TACC2: variants seen among roughly 807,000 people sequenced by gnomAD.
The protein encoded by TACC2 is transforming acidic coiled-coil-containing protein 2.
TACC2 carries 137 observed loss-of-function variants against 227.3 expected under a neutral mutation model. The observed-to-expected ratio is 0.60, with a 90% CI of 0.52 to 0.69. The LOEUF (loss-of-function observed/expected upper bound fraction) is 0.69, where lower values mean the gene tolerates loss of function less well. Ranked by LOEUF, TACC2 falls within the 30% of genes least tolerant of loss-of-function variation. The probability of loss-of-function intolerance (pLI) is 0.00; values close to 1 mark genes in which losing one functional copy is unlikely to be tolerated. For missense variants in TACC2, 3,470 were observed against 3,694.4 expected (o/e 0.94, Z 1.57); for synonymous variants, 1,523 against 1,487.5 (o/e 1.02, Z -0.55).
chr10:122,113,032 T>C (rs1338300785), intron 5 of TACC2: 1 of 152,368 alleles, frequency 6.6e-6, no homozygotes, highest in Non-Finnish European at 1.5e-5. Flanking sequence ...GCTGCAACTT[T>C]TCCCGAGCCT....
At chr10:122,203,782 T>C (rs866240317) in intron 8 of TACC2, among the ~76,000 whole-genome samples, 2 of 151,982 alleles carry the variant, frequency 1.3e-5, no homozygotes. Flanking sequence ...CTGCAATCTC[T>C]GCACTTTGGG....
At chr10:122,155,508 G>C (rs2092403199) in intron 7 of TACC2, among the ~76,000 whole-genome samples, 1 of 152,242 alleles carries the variant, frequency 6.6e-6, no homozygotes, top group African/African-American at 2.4e-5. Context: ...GGAGAAGAAA[G>C]ATGGATAACA....
At chr10:122,146,659 T>C (rs940917496) in intron 7 of TACC2, among the ~76,000 whole-genome samples, 8 of 152,142 alleles carry the variant, frequency 5.3e-5, no homozygotes, top group Admixed American at 6.5e-5. Flanking sequence ...CCCTTGACCT[T>C]TGACTTCTCA....
At chr10:122,129,917 T>C (rs146163419) in intron 5 of TACC2, among the ~76,000 whole-genome samples, 2 of 152,306 alleles carry the variant, frequency 1.3e-5, no homozygotes, top group Non-Finnish European at 2.9e-5. Flanking sequence ...GAGGATAGTT[T>C]TGGGAAATTC....
intron 5 of TACC2, among the ~76,000 whole-genome samples, chr10:122,115,854 T>C (rs1175953481): frequency 6.6e-6 from 1 of 152,150 alleles, no homozygotes; most frequent in Non-Finnish European, 1.5e-5. Context: ...CTTGCAACTT[T>C]TGCACAGATG....
chr10:122,087,682 G>T lies in TACC2; in HGVS notation c.5182G>T (p.Gly1728Cys). 6.2e-7 allele frequency: 1 copy of T among 1,613,306 alleles called. No homozygotes were observed. The highest frequency in any genetic ancestry group is 8.5e-7 in the Non-Finnish European group (1 of 1,179,986). ...ACASGDLPEAGTTRTFSVVAG... is the reference protein window; with the variant it reads ...ACASGDLPEACTTRTFSVVAG... ...TGCGTCCGGTGATCTGCCTGAAGCA[G>T]GTACTACGAGGACATTCTCCGTTGT... Residue 1728 changes from glycine (G) to cysteine (C), a missense_variant, in exon 4 of 23, where the codon GGT becomes TGT. Coordinates refer to ENST00000369005, the MANE Select transcript of TACC2 (RefSeq NM_206862.4).
chr10:122,002,353 A>G (rs1466676357), intron 1 of TACC2, among the ~76,000 whole-genome samples: 4 of 152,098 alleles, frequency 2.6e-5, no homozygotes, highest in South Asian at 4.1e-4. Flanking sequence ...TATTTTCTGT[A>G]TATAGTGTTG....
intron 3 of TACC2, among the ~76,000 whole-genome samples, chr10:122,066,734 A>G (rs1479043347): frequency 3.3e-5 from 5 of 152,238 alleles, no homozygotes; most frequent in Admixed American, 3.3e-4. Flanking sequence ...TGGAGTGTTT[A>G]TAACATTCAC....
chr10:122,011,585 C>T (rs1955934003), intron 1 of TACC2, among the ~76,000 whole-genome samples: 1 of 152,208 alleles, frequency 6.6e-6, no homozygotes, highest in South Asian at 2.1e-4. Flanking sequence ...ACCTCGGCCT[C>T]CCAAAGTGCT....
At chr10:121,990,458 G>A (rs1019493737) in intron 1 of TACC2, among the ~76,000 whole-genome samples, 8 of 152,170 alleles carry the variant, frequency 5.3e-5, no homozygotes, top group South Asian at 2.1e-4. Context: ...TTTTGCTTTC[G>A]TTTTCAATTT....
chr10:122,238,748 A>G (rs1973975), intron 18 of TACC2, among the ~76,000 whole-genome samples: 67,210 of 151,742 alleles, frequency 0.44, 15,414 homozygotes, highest in East Asian at 0.74. Context: ...GCTGCGCCTG[A>G]CCCACCACTC....
rs766081390 is a variant in TACC2, at chr10:122,050,490, A to G, written c.86A>G (p.Gln29Arg). 2 of 1,614,028 alleles carry G rather than the reference A, an allele frequency of 1.2e-6. No homozygotes were observed. The highest frequency in any genetic ancestry group is 2.7e-5 in the African/African-American group (2 of 74,912). ...PRSAQPPGNS[Q>R]NIKRKQQDTP... ...TCCGCGCAGCCACCCGGGAACAGTC[A>G]GAATATAAAAAGGAAGCAGCAGGAC... Residue 29 changes from glutamine to arginine, a missense_variant, in exon 3 of 23, where the codon CAG (glutamine) becomes CGG (arginine). By Grantham distance (43) the Gln-to-Arg change is conservative. Transcript: ENST00000369005. This position sits in a 1 kb window ranked among gnomAD's most constrained non-coding sequence, Gnocchi z 4.6.
rs1293861577 is a variant in TACC2 at position 122,087,460 on chromosome 10, G to C, written c.4960G>C (p.Asp1654His). The C allele has an allele frequency of 1.9e-6, 3 of 1,614,070 alleles. No homozygotes were observed. In the South Asian group the frequency reaches 3.3e-5, roughly 18 times the overall value. The change falls in exon 4 of 23, where the codon GAC becomes CAC. Residue 1654 changes from aspartate to histidine, a missense_variant. By Grantham distance (81) the Asp-to-His change is moderately conservative (BLOSUM62 -1). This residue lies in a region of TACC2 where 1,924 missense variants were observed against 1,978.3 expected (regional missense o/e 0.97). Transcript: ENST00000369005. ...PEANSEPWTL[D>H]TLGGERRPGV... ...GGCCAACAGTGAGCCCTGGACCCTTGACACGCTTGGGGGTGAAAGGAGACC... is the reference window on the plus strand; with the variant it reads ...GGCCAACAGTGAGCCCTGGACCCTTCACACGCTTGGGGGTGAAAGGAGACC...
intron 1 of TACC2, among the ~76,000 whole-genome samples, chr10:122,005,605 C>T (rs1448592529): frequency 3.4e-5 from 5 of 146,740 alleles, no homozygotes; most frequent in Admixed American, 6.9e-5. Context: ...AGAATGGTCT[C>T]GATCTCCTGA....
At chr10:122,095,965 G>A (rs548184560) in intron 5 of TACC2, among the ~76,000 whole-genome samples, 11 of 152,364 alleles carry the variant, frequency 7.2e-5, no homozygotes, top group African/African-American at 2.6e-4. Flanking sequence ...AAGCCACTGT[G>A]TCTTTGCATT....
chr10:122,170,743 C>T (rs968635848), intron 7 of TACC2, among the ~76,000 whole-genome samples: 1 of 152,198 alleles, frequency 6.6e-6, no homozygotes. Context: ...CTAGCGCCTC[C>T]AGGCCCTGCC....
intron 6 of TACC2, among the ~76,000 whole-genome samples, chr10:122,142,306 G>A (rs1208742910): frequency 6.6e-6 from 1 of 152,216 alleles, no homozygotes; most frequent in Non-Finnish European, 1.5e-5. Flanking sequence ...TGCCTGCTGT[G>A]GGCGGCCTGG....
chr10:122,233,187 A>T (rs928210533), intron 16 of TACC2, among the ~76,000 whole-genome samples: 18 of 152,154 alleles, frequency 1.2e-4, no homozygotes, highest in Non-Finnish European at 1.8e-4. Flanking sequence ...TTCCTTCCAC[A>T]TCCTTCTGGT....
At chr10:122,193,969 A>G (rs1433209025) in intron 7 of TACC2, among the ~76,000 whole-genome samples, 2 of 152,020 alleles carry the variant, frequency 1.3e-5, no homozygotes, top group Admixed American at 1.3e-4. Context: ...CTAGGCTGGG[A>G]TGCACTGGCA....
Sources: gnomAD v4.1 joint callset for allele counts (sites outside exome capture counted in the v4.1 genomes callset) on GRCh38, gnomAD v4.1.1 for gene constraint, gnomAD v4.1.1 regional missense constraint, Gnocchi (gnomAD v3.1) non-coding constraint, MANE v1.5 for transcripts, NCBI Gene and HGNC (gene_info 2026-07-23, HGNC 2026-07-21) for gene names.